Variants in RMDN2 observed in about 807,000 individuals in gnomAD.
RMDN2 encodes the protein regulator of microtubule dynamics protein 2.
In RMDN2, 61 loss-of-function variants were observed where a neutral mutation model predicts 52.8. The ratio of observed to expected loss-of-function variants is 1.16; its 90% CI spans 0.94 to 1.43. RMDN2 has a LOEUF of 1.43. Among genes scored for constraint, RMDN2 ranks in the 40% most tolerant of loss-of-function variants. The pLI is 0.00. For missense variants in RMDN2, 592 were observed against 475.3 expected (o/e 1.25, Z -2.28); for synonymous variants, 180 against 153.1 (o/e 1.18, Z -1.30).
intron 4 of RMDN2, among the ~76,000 whole-genome samples, chr2:37,978,540 C>G (rs1449044929): frequency 6.6e-6 from 1 of 152,004 alleles, no homozygotes; most frequent in Admixed American, 6.6e-5. Context: ...AAGAAGAGTA[C>G]AGAGGCTGGA....
At chr2:37,976,392 C>T (rs1672469677) in intron 4 of RMDN2, 1 of 152,184 alleles carries the variant, frequency 6.6e-6, no homozygotes, top group Non-Finnish European at 1.5e-5. Context: ...TTCATTTATT[C>T]CGAAGGCTTC....
chr2:38,031,636 T>C (rs1680215576), intron 10 of RMDN2, among the ~76,000 whole-genome samples: 1 of 152,192 alleles, frequency 6.6e-6, no homozygotes, highest in South Asian at 2.1e-4. Context: ...GAGGAAAGTT[T>C]ATCTGGGTTT....
chr2:38,033,030 A>T (rs923761495), intron 10 of RMDN2: 1 of 152,114 alleles, frequency 6.6e-6, no homozygotes, highest in African/African-American at 2.4e-5. Flanking sequence ...AATACATGAG[A>T]ATTTCAGTTG....
intron 1 of RMDN2, among the ~76,000 whole-genome samples, chr2:37,926,607 T>A (rs1192424227): frequency 6.6e-6 from 1 of 152,220 alleles, no homozygotes; most frequent in African/African-American, 2.4e-5. Context: ...TATATTTTTT[T>A]ATACTACAAG....
chr2:37,923,716 A>C (rs1666096360), upstream of RMDN2, among the ~76,000 whole-genome samples: 1 of 152,182 alleles, frequency 6.6e-6, no homozygotes, highest in Admixed American at 6.5e-5. Flanking sequence ...TGAGAGGTTA[A>C]AGATTAATCT....
At chr2:37,988,178 T>A (rs1262510940) in intron 5 of RMDN2, among the ~76,000 whole-genome samples, 1 of 152,248 alleles carries the variant, frequency 6.6e-6, no homozygotes, top group African/African-American at 2.4e-5. Flanking sequence ...AAACATAGTT[T>A]ATTAATTTTT....
chr2:37,956,553 C>G (rs572077946), intron 2 of RMDN2, among the ~76,000 whole-genome samples: 3 of 150,762 alleles, frequency 2.0e-5, no homozygotes, highest in African/African-American at 7.3e-5. Context: ...TTTAATCTCT[C>G]TTATTCCTCT....
intron 10 of RMDN2, among the ~76,000 whole-genome samples, chr2:38,006,532 T>C (rs1334246871): frequency 6.6e-6 from 1 of 152,186 alleles, no homozygotes; most frequent in Non-Finnish European, 1.5e-5. Flanking sequence ...TAAGAATGCT[T>C]GTGATTTTTG....
At chr2:37,994,326 A>G (rs1675218449) in intron 7 of RMDN2, among the ~76,000 whole-genome samples, 1 of 152,228 alleles carries the variant, frequency 6.6e-6, no homozygotes, top group Non-Finnish European at 1.5e-5. Flanking sequence ...CTTTCTGAAA[A>G]TAAACTGTTA....
chr2:37,979,634 T>C (rs1443321256), intron 4 of RMDN2, among the ~76,000 whole-genome samples: 3 of 152,188 alleles, frequency 2.0e-5, no homozygotes, highest in Non-Finnish European at 4.4e-5. Context: ...ACTTTCCTAA[T>C]TAAGTAATCG....
intron 10 of RMDN2, among the ~76,000 whole-genome samples, chr2:38,008,362 A>C (rs1312155654): frequency 6.6e-6 from 1 of 152,124 alleles, no homozygotes; most frequent in Non-Finnish European, 1.5e-5. Flanking sequence ...TAAGTCACTA[A>C]GGACTTGTTT....
rs72899094 is a variant in RMDN2 at position 37,981,521 on chromosome 2, G to T, written c.791+178G>T. ...TGTTTATTCACATTTTTATTATGCA[G>T]CCTTGAAATATATTTAAGGGAAACT... On this transcript the variant is annotated intron_variant, in intron 5 of 10. Transcript: ENST00000354545. 9.1e-4 allele frequency among the ~76,000 whole-genome samples: 138 copies of T among 152,180 alleles called. 2 individuals are homozygous for T. In the East Asian group the frequency reaches 0.022, roughly 25 times the overall value.
At chr2:38,020,011 C>A (rs1476366744), downstream of RMDN2, among the ~76,000 whole-genome samples, 5 of 151,964 alleles carry the variant, frequency 3.3e-5, no homozygotes, top group East Asian at 1.9e-4. Context: ...AGCTAAAAAA[C>A]CGTGAACAGG....
At chr2:38,052,240 G>A (rs1425451676) in intron 10 of RMDN2, among the ~76,000 whole-genome samples, 1 of 152,008 alleles carries the variant, frequency 6.6e-6, no homozygotes, top group Non-Finnish European at 1.5e-5. Context: ...ATCTCATGGT[G>A]GTCTTATAAT....
upstream of RMDN2, among the ~76,000 whole-genome samples, chr2:37,922,735 T>C (rs922969142): frequency 6.6e-6 from 1 of 152,240 alleles, no homozygotes; most frequent in African/African-American, 2.4e-5. Flanking sequence ...TGATGGGGCA[T>C]GGATGAATAC....
intron 5 of RMDN2, among the ~76,000 whole-genome samples, chr2:37,987,138 G>A (rs139589248): frequency 1.1e-4 from 17 of 152,140 alleles, no homozygotes; most frequent in African/African-American, 3.6e-4. Flanking sequence ...ACAAGGTTAA[G>A]GTACAAAAGT....
chr2:38,017,559 T>A lies in RMDN2; in HGVS notation c.*320T>A. The A allele has an allele frequency of 8.4e-7, 1 of 1,188,240 alleles. No individual in the cohort carries two copies. Among genetic ancestry groups the A allele is most frequent in the Non-Finnish European group, 1.1e-6 (1 of 900,738 alleles). The allele number at this position is 1,188,240 out of a possible 1,614,324, so 73.6% of individuals were successfully genotyped here. A position where few individuals can be genotyped will look rare whatever the true frequency, so the allele number is the denominator to read the frequency against. On this transcript the variant is annotated 3_prime_UTR_variant, in exon 11 of 11. Transcript: ENST00000354545. ...CCAATAAAATGAATTCTCATGAATA[T>A]TTTATTGTTTCAATGGAGACTTCGT...
At chr2:38,003,467 T>A (rs1307404663) in intron 8 of RMDN2, among the ~76,000 whole-genome samples, 1 of 152,000 alleles carries the variant, frequency 6.6e-6, no homozygotes, top group African/African-American at 2.4e-5. Context: ...GCAGGAGAAT[T>A]GCCTGAACCT....
chr2:38,015,293 G>T (rs750733977), intron 10 of RMDN2, among the ~76,000 whole-genome samples: 2 of 152,192 alleles, frequency 1.3e-5, no homozygotes, highest in African/African-American at 2.4e-5. Context: ...TCGACTGGGC[G>T]TGGTGGCTCA....
Sources: allele counts gnomAD v4.1 joint callset (sites outside exome capture counted in the v4.1 genomes callset), GRCh38; gene constraint gnomAD v4.1.1; transcripts MANE v1.5; gene names NCBI Gene and HGNC (gene_info 2026-07-23, HGNC 2026-07-21).